The following CACNA1S variants were observed in gnomAD, a reference collection of about 807,000 sequenced individuals.
The protein encoded by CACNA1S is voltage-dependent L-type calcium channel subunit alpha-1S.
In CACNA1S, 126 loss-of-function variants were observed where a neutral mutation model predicts 207.4. The observed-to-expected ratio is 0.61, with a 90% CI of 0.53 to 0.70. The LOEUF is 0.70. CACNA1S is among the 30% of genes least tolerant of loss of function. The pLI is 0.00. For synonymous variants in CACNA1S, 960 were observed against 932.7 expected, an observed-to-expected ratio of 1.03 and a Z score of -0.53; for missense variants, 2,349 against 2,422.8, an observed-to-expected ratio of 0.97 and a Z score of 0.64.
At chr1:201,047,054 T>C in intron 38 of CACNA1S, 61 bp downstream of exon 38, 1 of 1,609,108 alleles carries the variant, frequency 6.2e-7, no homozygotes, top group Non-Finnish European at 8.5e-7. Context: ...GAAGGATAAC[T>C]AGAGTCTGGA....
At chr1:201,049,132 T>C (rs943805478) in intron 34 of CACNA1S, 33 bp from the exon 35 acceptor site, 25 of 1,479,624 alleles carry the variant, frequency 1.7e-5, no homozygotes, top group Non-Finnish European at 2.3e-5. Context: ...GTGTACCTGC[T>C]ACCCTCCTCC....
chr1:201,044,816 T>C (rs1372287192), intron 38 of CACNA1S, among the ~76,000 whole-genome samples: 1 of 152,128 alleles, frequency 6.6e-6, no homozygotes, highest in Non-Finnish European at 1.5e-5. Context: ...CTAGAACCGC[T>C]TCGTATGGCT....
At chr1:201,062,217 C>T in intron 23 of CACNA1S, 127 bp from the exon 24 acceptor site, 2 of 1,235,750 alleles carry the variant, frequency 1.6e-6, no homozygotes, top group Non-Finnish European at 2.3e-6. Flanking sequence ...CCCAAGGGGA[C>T]ACCGCTGGGC....
intron 10 of CACNA1S, among the ~76,000 whole-genome samples, chr1:201,082,901 C>T (rs1661888614): frequency 6.6e-6 from 1 of 152,200 alleles, no homozygotes; most frequent in South Asian, 2.1e-4. Context: ...CAGCCTATTG[C>T]TTTTACTGAC....
intron 9 of CACNA1S, 140 bp downstream of exon 9, chr1:201,084,810 C>T (rs1048600456): frequency 7.4e-6 from 5 of 674,500 alleles, no homozygotes; most frequent in African/African-American, 5.3e-5. Context: ...AGGAACTGGC[C>T]CTATTTTCTT....
At chr1:201,049,901 T>G (rs984295285) in intron 34 of CACNA1S, among the ~76,000 whole-genome samples, 2 of 152,196 alleles carry the variant, frequency 1.3e-5, no homozygotes, top group East Asian at 3.9e-4. Context: ...CATCTGAGAC[T>G]GAGACCATCG....
chr1:201,048,381 G>T (rs1490506034), intron 36 of CACNA1S, among the ~76,000 whole-genome samples: 1 of 152,178 alleles, frequency 6.6e-6, no homozygotes, highest in African/African-American at 2.4e-5. Context: ...GACCCTTGAT[G>T]ATCTTTGCCC....
At chr1:201,046,187 T>TTATCTATC (rs560664811) in intron 38 of CACNA1S, among the ~76,000 whole-genome samples, 9 of 151,856 alleles carry the variant, frequency 5.9e-5, no homozygotes, top group African/African-American at 1.9e-4. Flanking sequence ...ATTTATTTAT[T>TTATCTATC]TATCTATCTT....
At chr1:201,088,555 T>A (rs1258054791) in intron 6 of CACNA1S, among the ~76,000 whole-genome samples, 1 of 152,226 alleles carries the variant, frequency 6.6e-6, no homozygotes, top group East Asian at 1.9e-4. Flanking sequence ...TGTGGTTAAT[T>A]CTGGATTGGA....
chr1:201,101,344 A>G (rs778447799), intron 2 of CACNA1S, among the ~76,000 whole-genome samples: 6 of 152,238 alleles, frequency 3.9e-5, no homozygotes, highest in Non-Finnish European at 7.3e-5. Flanking sequence ...TTGACAAAAA[A>G]CAACCCTCAC....
chr1:201,099,915 C>T (rs1662574517), intron 2 of CACNA1S, among the ~76,000 whole-genome samples: 1 of 152,114 alleles, frequency 6.6e-6, no homozygotes, highest in Admixed American at 6.5e-5. Context: ...AGGGGTAGAG[C>T]TCACAGTTTG....
chr1:201,112,050 C>T (rs1200696773), intron 1 of CACNA1S, 138 bp downstream of exon 1: 4 of 702,030 alleles, frequency 5.7e-6, no homozygotes, highest in Non-Finnish European at 8.9e-6. Flanking sequence ...CAGCTCCTCA[C>T]TCAATTCTGT....
intron 2 of CACNA1S, among the ~76,000 whole-genome samples, chr1:201,109,754 A>C (rs1017926489): frequency 1.3e-5 from 2 of 152,266 alleles, no homozygotes; most frequent in Non-Finnish European, 2.9e-5. Context: ...CTTAGTGGAC[A>C]CAAGTTTCTT....
rs752196801 is a variant in CACNA1S at position 201,049,032 on chromosome 1, T to G, written c.4309A>C (p.Lys1437Gln). The change falls in exon 35 of 44, where the codon AAG becomes CAG. Residue 1437 changes from lysine (K) to glutamine (Q), a missense_variant. Physicochemically the swap from Lys to Gln is moderately conservative, Grantham distance 53. Transcript: ENST00000362061. ...RRIQPPLGFG[K>Q]FCPHRVACKR... ...CAAGCTACCCGATGTGGGCAGAACT[T>G]CCCAAAGCCCAGAGGGGGCTGAATC... is the stretch of plus-strand genomic sequence containing the variant. The G allele has an allele frequency of 2.5e-5, 41 of 1,613,888 alleles. No individual in the cohort carries two copies. Among genetic ancestry groups the G allele is most frequent in the Non-Finnish European group, 3.4e-5 (40 of 1,179,906 alleles).
In CACNA1S at chr1:201,066,809, G is replaced by T; in HGVS notation, c.2657+78C>A. 2 of 1,067,500 alleles carry T rather than the reference G, an allele frequency of 1.9e-6. No individual in the cohort carries two copies. The highest frequency in any genetic ancestry group is 2.8e-6 in the Non-Finnish European group (2 of 704,032). The allele number at this position is 1,067,500 out of a possible 1,614,324, so 66.1% of individuals were successfully genotyped here. On this transcript the variant is annotated intron_variant, in intron 20 of 43. Coordinates refer to ENST00000362061, the MANE Select transcript of CACNA1S (RefSeq NM_000069.3). This position sits in a 1 kb window ranked among gnomAD's most constrained non-coding sequence, Gnocchi z 4.3. ...CTTGTGGCAGGGGCCCACCAACATG[G>T]GTGGGACTCCCACTACAAAGCCCTG...
chr1:201,078,898 G>A lies in CACNA1S; in HGVS notation c.1394-794C>T, dbSNP rs1216660995. On this transcript the variant is annotated intron_variant, in intron 10 of 43. Transcript: ENST00000362061. ...AGCACTTTGGGAGGTCGAGGCGGGTGGATCACAAGGTCAAGAGATCGAGAC... is the reference window on the plus strand; with the variant it reads ...AGCACTTTGGGAGGTCGAGGCGGGTAGATCACAAGGTCAAGAGATCGAGAC... Among the ~76,000 whole-genome samples the A allele has an allele frequency of 2.0e-5, 3 of 152,156 alleles. No homozygotes were observed. The East Asian group carries it at 5.8e-4, about 29-fold the overall frequency.
At chr1:201,081,905 G>T (rs751166316) in intron 10 of CACNA1S, among the ~76,000 whole-genome samples, 2 of 152,070 alleles carry the variant, frequency 1.3e-5, no homozygotes, top group African/African-American at 2.4e-5. Context: ...CTTCCATCAC[G>T]ATTGTAGGCT....
At chr1:201,047,086 C>A (rs1222570667) in intron 38 of CACNA1S, 29 bp downstream of exon 38, 1 of 1,614,046 alleles carries the variant, frequency 6.2e-7, no homozygotes, top group South Asian at 1.1e-5. Context: ...GTGGGGGAGC[C>A]CCTTGGAACA....
At chr1:201,083,755 A>C (rs74136307) in intron 9 of CACNA1S, among the ~76,000 whole-genome samples, 3,699 of 152,296 alleles carry the variant, frequency 0.024, 151 homozygotes, top group African/African-American at 0.08. Context: ...ACTTACCAAA[A>C]TTTAAAGTCT....
Sources: allele counts gnomAD v4.1 joint callset (sites outside exome capture counted in the v4.1 genomes callset), GRCh38; gene constraint gnomAD v4.1.1; non-coding constraint Gnocchi (gnomAD v3.1); transcripts MANE v1.5; gene names NCBI Gene and HGNC (gene_info 2026-07-23, HGNC 2026-07-21).